The following EHD2 variants were observed in gnomAD, a reference collection of about 807,000 sequenced individuals.
EHD2 encodes EH domain-containing protein 2.
A neutral mutation model predicts 41.0 loss-of-function variants in EHD2; 27 were observed. That is an observed-to-expected ratio of 0.66 (90% CI 0.49 to 0.91). The LOEUF is 0.91. Ranked by LOEUF, EHD2 falls within the 40% of genes least tolerant of loss-of-function variation. The pLI, the probability that EHD2 is intolerant of heterozygous loss-of-function variation, is 0.00. For synonymous variants in EHD2, 342 were observed against 341.0 expected, an observed-to-expected ratio of 1.00 and a Z score of -0.03; for missense variants, 673 against 773.9, an observed-to-expected ratio of 0.87 and a Z score of 1.55.
At chr19:47,718,106 C>T (rs968942802) in intron 2 of EHD2, among the ~76,000 whole-genome samples, 36 of 150,636 alleles carry the variant, frequency 2.4e-4, no homozygotes, top group African/African-American at 8.3e-4. Flanking sequence ...AACCCCGTCT[C>T]TACTAAAAAT....
Position 47,739,928 on chromosome 19 carries a change from G to GCCCCAGCCT in EHD2, c.1081-947_1081-939dup, listed in dbSNP as rs1966967703. ...GCCGCTGCTCTCACTCATCAGAGGG[G>GCCCCAGCCT]CCCCAGCCTCCCCACCCTCCAGTAA... On this transcript the variant is annotated intron_variant, in intron 5 of 5. Coordinates refer to ENST00000263277, the MANE Select transcript of EHD2 (RefSeq NM_014601.4). Among the ~76,000 whole-genome samples the GCCCCAGCCT allele has an allele frequency of 9.9e-5, 15 of 152,258 alleles. No individual in the cohort carries two copies. The South Asian group carries it at 3.1e-3, about 32-fold the overall frequency.
intron 4 of EHD2, among the ~76,000 whole-genome samples, chr19:47,735,546 T>C (rs1966912370): frequency 6.6e-6 from 1 of 151,492 alleles, no homozygotes; most frequent in South Asian, 2.1e-4. Context: ...TGCAGTAAGT[T>C]ATGATCGCAC....
chr19:47,721,963 C>T (rs900522827), intron 3 of EHD2, among the ~76,000 whole-genome samples: 7 of 148,576 alleles, frequency 4.7e-5, no homozygotes, highest in East Asian at 4.1e-4. Flanking sequence ...CCAGCCTGGG[C>T]GATAGAGTGA....
chr19:47,727,498 TTTAA>T (rs1386681792), intron 4 of EHD2, among the ~76,000 whole-genome samples: 2 of 152,032 alleles, frequency 1.3e-5, no homozygotes, highest in East Asian at 1.9e-4. Context: ...TTTTTTTAAA[TTTAA>T]TTAATTAATT....
intron 4 of EHD2, among the ~76,000 whole-genome samples, chr19:47,733,646 G>A (rs1264647848): frequency 6.7e-6 from 1 of 149,852 alleles, no homozygotes; most frequent in Non-Finnish European, 1.5e-5. Context: ...CAGCCTGGGC[G>A]GCAGAGTGAG....
intron 1 of EHD2, among the ~76,000 whole-genome samples, chr19:47,715,323 A>G (rs902050122): frequency 6.6e-6 from 1 of 151,946 alleles, no homozygotes; most frequent in African/African-American, 2.4e-5. Flanking sequence ...CATGGCTCCC[A>G]GTACACCAGG....
chr19:47,717,104 G>A lies in EHD2; in HGVS notation c.404+88G>A, dbSNP rs1028622213. ...CTCTTTTCGCCCAGGCTGGAGTGCA[G>A]TGGTGCGATCTCAGCTCATGGCAAC... is the stretch of plus-strand genomic sequence containing the variant. On this transcript the variant is annotated intron_variant, in intron 2 of 5. Transcript: ENST00000263277. 9 of 1,537,430 alleles carry A rather than the reference G, an allele frequency of 5.9e-6. No homozygotes were observed. The Admixed American group carries it at 7.2e-5, about 12-fold the overall frequency.
chr19:47,740,742 T>C lies in EHD2; in HGVS notation c.1081-139T>C, dbSNP rs920933593. The C allele has an allele frequency of 5.3e-5, 50 of 936,690 alleles. No homozygotes were observed. The African/African-American group carries it at 7.7e-4, about 14-fold the overall frequency. The allele number at this position is 936,690 out of a possible 1,614,324, so 58.0% of individuals were successfully genotyped here. ...AGCCTGGGCAACAAGAGCAAGACTC[T>C]GTCTCAAAACAAACAACAGTAAAAA... is the stretch of plus-strand genomic sequence containing the variant. On this transcript the variant is annotated intron_variant, in intron 5 of 5. Transcript: ENST00000263277.
Position 47,716,978 on chromosome 19 carries a change from C to A in EHD2, c.366C>A (p.Phe122Leu). ...NALVVDPDKP[F>L]RKLNPFGNTF... ...TCGTCGTGGACCCGGACAAGCCCTT[C>A]CGCAAACTCAACCCTTTCGGAAACA... is the stretch of plus-strand genomic sequence containing the variant. Residue 122 changes from phenylalanine to leucine, a missense_variant, in exon 2 of 6, where the codon TTC (phenylalanine) becomes TTA (leucine). Transcript: ENST00000263277. 1.2e-6 allele frequency: 2 copies of A among 1,603,614 alleles called. No homozygotes were observed. Among genetic ancestry groups the A allele is most frequent in the Non-Finnish European group, 1.7e-6 (2 of 1,179,956 alleles).
intron 4 of EHD2, among the ~76,000 whole-genome samples, chr19:47,733,487 C>A (rs1367866868): frequency 6.6e-6 from 1 of 151,788 alleles, no homozygotes; most frequent in Admixed American, 6.6e-5. Context: ...TCCTGGCCAA[C>A]ATGGTGGAAC....
chr19:47,733,789 T>TGGGAGAAAAAAAGAGTGAA (rs2123655016), intron 4 of EHD2, among the ~76,000 whole-genome samples: 1 of 108,882 alleles, frequency 9.2e-6, no homozygotes, highest in Non-Finnish European at 2.1e-5. Context: ...ACTGTCCATT[T>TGGGAGAAAAAAAGAGTGAA]GGGAGAAAAA....
chr19:47,714,059 C>A (rs1031041651), intron 1 of EHD2, among the ~76,000 whole-genome samples: 1 of 152,158 alleles, frequency 6.6e-6, no homozygotes, highest in Non-Finnish European at 1.5e-5. Context: ...CCTTTACGAA[C>A]TCCTTTTGCT....
chr19:47,718,602 C>A lies in EHD2; in HGVS notation c.498C>A (p.Ser166Arg). The stretch of plus-strand genomic sequence containing the variant: ...TGTCGGGTGCCAAGCAGAGAGTGAG[C>A]CGCGGTGAGTGGGGCCAGACCCTGG... ...GILSGAKQRV[S>R]RGYDFPAVLR... Residue 166 changes from serine (S) to arginine (R), a missense_variant, in exon 3 of 6, where the codon AGC becomes AGA. Coordinates refer to ENST00000263277, the MANE Select transcript of EHD2 (RefSeq NM_014601.4). 6.4e-7 allele frequency: 1 copy of A among 1,554,398 alleles called. No individual in the cohort carries two copies. Among genetic ancestry groups the A allele is most frequent in the South Asian group, 1.2e-5 (1 of 84,894 alleles).
intron 4 of EHD2, among the ~76,000 whole-genome samples, chr19:47,734,750 GA>G (rs918036307): frequency 7.7e-5 from 11 of 143,570 alleles, no homozygotes; most frequent in South Asian, 6.7e-4. Flanking sequence ...CTTTCAAAAA[GA>G]AAAAAAAAGT....
intron 4 of EHD2, 42 bp downstream of exon 4, chr19:47,726,266 T>C: frequency 6.9e-7 from 1 of 1,452,464 alleles, no homozygotes; most frequent in Non-Finnish European, 9.1e-7. Flanking sequence ...TTGGAGGAGG[T>C]TTCCTCGGTC....
At chr19:47,735,763 G>C (rs1020545413) in intron 4 of EHD2, among the ~76,000 whole-genome samples, 5 of 151,898 alleles carry the variant, frequency 3.3e-5, no homozygotes, top group Admixed American at 6.6e-5. Context: ...AAATTAGCCG[G>C]GTGTGGTGGC....
At chr19:47,722,281 C>T (rs997978288) in intron 3 of EHD2, among the ~76,000 whole-genome samples, 3 of 152,140 alleles carry the variant, frequency 2.0e-5, no homozygotes, top group Non-Finnish European at 2.9e-5. Context: ...CTTCCCTCCC[C>T]GCCCCATGAG....
At chr19:47,721,990 TAAAC>T (rs998429174) in intron 3 of EHD2, among the ~76,000 whole-genome samples, 6 of 118,694 alleles carry the variant, frequency 5.1e-5, no homozygotes, top group East Asian at 2.5e-4. Flanking sequence ...GTCTCAAAAA[TAAAC>T]AAACAGAAAA....
intron 4 of EHD2, among the ~76,000 whole-genome samples, chr19:47,730,583 C>A (rs1973798208): frequency 6.6e-6 from 1 of 152,150 alleles, no homozygotes. Flanking sequence ...ATGCTCTCCT[C>A]CAAAGATACC....
Sources: gnomAD v4.1 joint callset for allele counts (sites outside exome capture counted in the v4.1 genomes callset) on GRCh38, gnomAD v4.1.1 for gene constraint, MANE v1.5 for transcripts, NCBI Gene and HGNC (gene_info 2026-07-23, HGNC 2026-07-21) for gene names.